The following KCNH5 variants were observed in gnomAD, a reference collection of about 807,000 sequenced individuals.
The protein encoded by KCNH5 is voltage-gated delayed rectifier potassium channel KCNH5.
Under a neutral mutation model 96.1 loss-of-function variants are expected in KCNH5, and 46 were observed. The ratio of observed to expected loss-of-function variants is 0.48; its 90% CI spans 0.38 to 0.61. The LOEUF is 0.61. KCNH5 is among the 20% of genes least tolerant of loss of function. The probability of loss-of-function intolerance (pLI) is 0.00; values close to 1 mark genes in which losing one functional copy is unlikely to be tolerated. For synonymous variants in KCNH5, 439 were observed against 449.8 expected, an observed-to-expected ratio of 0.98 and a Z score of 0.30; for missense variants, 907 against 1,225.8, an observed-to-expected ratio of 0.74 and a Z score of 3.88.
At chr14:62,875,809 GA>G (rs1351926554) in intron 7 of KCNH5, among the ~76,000 whole-genome samples, 3 of 152,310 alleles carry the variant, frequency 2.0e-5, no homozygotes, top group Middle Eastern at 3.4e-3. Context: ...GAGGTCAGGA[GA>G]TTAAGACCAG....
chr14:62,835,173 G>A (rs965778597), intron 8 of KCNH5, among the ~76,000 whole-genome samples: 4 of 151,874 alleles, frequency 2.6e-5, no homozygotes, highest in African/African-American at 9.7e-5. Context: ...CAGTAACAAC[G>A]ACATTCCAGG....
At chr14:62,933,543 A>G (rs1889620745) in intron 7 of KCNH5, among the ~76,000 whole-genome samples, 1 of 152,008 alleles carries the variant, frequency 6.6e-6, no homozygotes, top group Non-Finnish European at 1.5e-5. Flanking sequence ...GAATTATATA[A>G]TTTTATTTTC....
chr14:62,810,775 C>G (rs1346863598), intron 8 of KCNH5, among the ~76,000 whole-genome samples: 3 of 152,122 alleles, frequency 2.0e-5, no homozygotes, highest in Admixed American at 6.6e-5. Context: ...CAGCAGCCCT[C>G]AGGGCTGCTT....
chr14:63,032,923 C>T (rs1320517377), intron 1 of KCNH5, among the ~76,000 whole-genome samples: 3 of 152,160 alleles, frequency 2.0e-5, no homozygotes, highest in Non-Finnish European at 4.4e-5. Context: ...AGGATATCTT[C>T]CCTACCTCCA....
intron 7 of KCNH5, among the ~76,000 whole-genome samples, chr14:62,920,270 T>C (rs972785144): frequency 2.0e-5 from 3 of 152,058 alleles, no homozygotes; most frequent in Non-Finnish European, 4.4e-5. Context: ...CTAATGTATG[T>C]CAGTAGCAGC....
At chr14:62,963,845 T>A (rs571324852) in intron 6 of KCNH5, among the ~76,000 whole-genome samples, 1 of 152,082 alleles carries the variant, frequency 6.6e-6, no homozygotes, top group Admixed American at 6.6e-5. Flanking sequence ...ACAGACAGAG[T>A]CAGTGAGTCA....
intron 7 of KCNH5, among the ~76,000 whole-genome samples, chr14:62,869,127 G>C (rs958032721): frequency 6.6e-6 from 1 of 152,162 alleles, no homozygotes; most frequent in African/African-American, 2.4e-5. Context: ...CTTCCACAAT[G>C]GTTGAACTAA....
intron 7 of KCNH5, among the ~76,000 whole-genome samples, chr14:62,891,445 A>C (rs573917333): frequency 6.6e-6 from 1 of 152,256 alleles, no homozygotes; most frequent in East Asian, 1.9e-4. Context: ...ATAAAAGATA[A>C]CTATTGGTAC....
chr14:62,905,021 T>A (rs886155805), intron 7 of KCNH5, among the ~76,000 whole-genome samples: 2 of 152,224 alleles, frequency 1.3e-5, no homozygotes, highest in African/African-American at 4.8e-5. Context: ...AGTATCAGTG[T>A]ATTTCTTCAG....
intron 7 of KCNH5, among the ~76,000 whole-genome samples, chr14:62,850,348 G>GA: frequency 6.6e-6 from 1 of 152,214 alleles, no homozygotes; most frequent in South Asian, 2.1e-4. Flanking sequence ...ATTTTTGACA[G>GA]AACATCAGAA....
intron 6 of KCNH5, among the ~76,000 whole-genome samples, chr14:62,965,835 G>A (rs1274059339): frequency 6.6e-6 from 1 of 152,108 alleles, no homozygotes; most frequent in East Asian, 1.9e-4. Context: ...TCATAGGTAA[G>A]ATGTCATTAA....
At chr14:62,765,673 G>A (rs1756840573) in intron 10 of KCNH5, among the ~76,000 whole-genome samples, 1 of 151,928 alleles carries the variant, frequency 6.6e-6, no homozygotes, top group Admixed American at 6.6e-5. Context: ...AAATTAACAA[G>A]CAAAAAACAA....
intron 8 of KCNH5, among the ~76,000 whole-genome samples, chr14:62,815,350 C>T (rs1320292066): frequency 6.6e-6 from 1 of 152,100 alleles, no homozygotes; most frequent in Non-Finnish European, 1.5e-5. Context: ...GTTTTAATAT[C>T]CTGGCTACAC....
chr14:62,704,527 C>T lies in KCNH5; in HGVS notation c.*2981G>A, dbSNP rs942328191. 3.3e-5 allele frequency: 5 copies of T among 151,906 alleles called. No homozygotes were observed. Among genetic ancestry groups the T allele is most frequent in the African/African-American group, 1.2e-4 (5 of 41,422 alleles). 9.4% of individuals were successfully genotyped at this position (151,906 alleles called of 1,614,324 possible). A position where few individuals can be genotyped will look rare whatever the true frequency, so the allele number is the denominator to read the frequency against. ...ATGATACATCACTCACATTTCCATT[C>T]TAATTTGACTTTTGCTATTTTGTTA... On this transcript the variant is annotated 3_prime_UTR_variant, in exon 11 of 11. Transcript: ENST00000322893.
chr14:63,029,381 C>T (rs2139621407), intron 1 of KCNH5, among the ~76,000 whole-genome samples: 1 of 152,216 alleles, frequency 6.6e-6, no homozygotes, highest in African/African-American at 2.4e-5. Context: ...TAATACCCAC[C>T]ATTCTGGATA....
chr14:62,809,694 C>T (rs1156659908), intron 8 of KCNH5, among the ~76,000 whole-genome samples: 2 of 152,118 alleles, frequency 1.3e-5, no homozygotes, highest in African/African-American at 4.8e-5. Context: ...TACAAATTAT[C>T]ACGCCAAGTC....
chr14:62,829,264 C>T (rs376813026), intron 8 of KCNH5, among the ~76,000 whole-genome samples: 20 of 152,046 alleles, frequency 1.3e-4, no homozygotes, highest in African/African-American at 4.3e-4. Context: ...ATTCTGGGGT[C>T]GGGAGGACAG....
chr14:62,787,969 A>G (rs1211747186), intron 9 of KCNH5, among the ~76,000 whole-genome samples: 1 of 152,200 alleles, frequency 6.6e-6, no homozygotes, highest in African/African-American at 2.4e-5. Context: ...GGCTAACACA[A>G]CATCCATTCT....
At chr14:62,823,411 A>G (rs937105158) in intron 8 of KCNH5, among the ~76,000 whole-genome samples, 2 of 152,102 alleles carry the variant, frequency 1.3e-5, no homozygotes, top group African/African-American at 4.8e-5. Context: ...GCTACACCTT[A>G]TTAGAACACT....
Sources: allele counts gnomAD v4.1 joint callset (sites outside exome capture counted in the v4.1 genomes callset), GRCh38; gene constraint gnomAD v4.1.1; transcripts MANE v1.5; gene names NCBI Gene and HGNC (gene_info 2026-07-23, HGNC 2026-07-21).